The following TAF15 variants were observed in gnomAD, a reference collection of about 807,000 sequenced individuals.
TAF15 encodes the protein TATA-binding protein-associated factor 2N.
Under a neutral mutation model 102.5 loss-of-function variants are expected in TAF15, and 37 were observed. That is an observed-to-expected ratio of 0.36 (90% CI 0.28 to 0.47). The LOEUF (loss-of-function observed/expected upper bound fraction) is 0.47, where lower values mean the gene tolerates loss of function less well. TAF15 is among the 20% of genes least tolerant of loss of function. The pLI, the probability that TAF15 is intolerant of heterozygous loss-of-function variation, is 0.99. For synonymous variants in TAF15, 273 were observed against 259.2 expected, an observed-to-expected ratio of 1.05 and a Z score of -0.51; for missense variants, 652 against 760.7, an observed-to-expected ratio of 0.86 and a Z score of 1.68.
At chr17:35,816,145 G>A (rs2087192521) in intron 1 of TAF15, among the ~76,000 whole-genome samples, 1 of 152,056 alleles carries the variant, frequency 6.6e-6, no homozygotes, top group East Asian at 1.9e-4. Context: ...CTATTCTTAA[G>A]CATTAAACAA....
At position 35,833,581 on chromosome 17, in the gene TAF15, CTAGTT is replaced by C. The variant is rs143898560; in HGVS notation, c.606-321_606-317del. The C allele has an allele frequency of 0.026, 6,048 of 229,160 alleles. 163 individuals are homozygous for C. Among genetic ancestry groups the C allele is most frequent in the East Asian group, 0.14 (1,689 of 12,488 alleles). 14.2% of individuals were successfully genotyped at this position (229,160 alleles called of 1,614,324 possible). A position where few individuals can be genotyped will look rare whatever the true frequency, so the allele number is the denominator to read the frequency against. On this transcript the variant is annotated intron_variant, in intron 7 of 15. Coordinates refer to ENST00000605844, the MANE Select transcript of TAF15 (RefSeq NM_139215.3). Reference sequence around the variant, plus strand: ...TAACCGTTTGGAAAAAATACTTACTCTAGTTTAGTATTTTTCATGCTGTGCCTCCA... The same window carrying C: ...TAACCGTTTGGAAAAAATACTTACTCTAGTATTTTTCATGCTGTGCCTCCA...
chr17:35,811,021 A>C (rs1284446182), intron 1 of TAF15: 1 of 152,240 alleles, frequency 6.6e-6, no homozygotes, highest in East Asian at 1.9e-4. Context: ...ATGAAGTCTG[A>C]TAAAGCTCCT....
At chr17:35,825,066 C>T (rs926874130) in intron 7 of TAF15, among the ~76,000 whole-genome samples, 1 of 152,154 alleles carries the variant, frequency 6.6e-6, no homozygotes, top group Non-Finnish European at 1.5e-5. Flanking sequence ...AGAAACTTAT[C>T]AGTCATATAT....
chr17:35,828,989 T>C (rs940356713), intron 7 of TAF15, among the ~76,000 whole-genome samples: 1 of 152,160 alleles, frequency 6.6e-6, no homozygotes, highest in East Asian at 1.9e-4. Flanking sequence ...AAATGCTGAA[T>C]CCAGAAAGCC....
chr17:35,840,978 TCTTA>T (rs2087536547), intron 11 of TAF15, among the ~76,000 whole-genome samples: 1 of 152,234 alleles, frequency 6.6e-6, no homozygotes, highest in African/African-American at 2.4e-5. Context: ...GTCCATTCTT[TCTTA>T]CTTTGCTGCT....
intron 2 of TAF15, chr17:35,818,677 G>GGT (rs1297079217): frequency 1.3e-5 from 2 of 152,022 alleles, no homozygotes; most frequent in Non-Finnish European, 2.9e-5. Context: ...CAGACATAGT[G>GGT]GTGTGTACCT....
rs184795161 is a variant in TAF15 at position 35,825,389 on chromosome 17, C to T, written c.605+1191C>T. Among the ~76,000 whole-genome samples, 419 of 152,328 alleles carry T rather than the reference C, an allele frequency of 2.8e-3. 9 individuals are homozygous for T. The highest frequency in any genetic ancestry group is 0.026 in the Admixed American group (391 of 15,292). On this transcript the variant is annotated intron_variant, in intron 7 of 15. Transcript: ENST00000605844. ...CTGCCATCATGTGGATATAAATGGA[C>T]TATGTAAAGTGACATGGTGCTTACT...
chr17:35,844,649 AAGTGGG>A lies in TAF15; in HGVS notation c.1351_1356del (p.Ser451_Gly452del). On this transcript the variant is annotated inframe_deletion, in exon 15 of 16. Coordinates refer to ENST00000605844, the MANE Select transcript of TAF15 (RefSeq NM_139215.3). ...GTGGGGGCGGCTATGGTGGAGACAG[AAGTGGG>A]GGTGGCTATGGTGGGGACAGAGGCG... The A allele has an allele frequency of 6.3e-7, 1 of 1,592,684 alleles. No homozygotes were observed. The highest frequency in any genetic ancestry group is 8.5e-7 in the Non-Finnish European group (1 of 1,169,876).
At chr17:35,836,086 A>C (rs1418086292) in intron 9 of TAF15, 46 bp from the exon 10 acceptor site, 4 of 1,311,340 alleles carry the variant, frequency 3.1e-6, no homozygotes, top group Non-Finnish European at 3.3e-6. Flanking sequence ...ACAGAATGTC[A>C]TAACCAAGGA....
In TAF15 at chr17:35,844,753, G is replaced by T. The variant is rs533788464; in HGVS notation, c.1454G>T (p.Gly485Val). ...RGGGYGGDRG[G>V]YGGDRGGGYG... ...GGTGGCTATGGAGGAGATCGAGGTG[G>T]CTATGGAGGAGACCGAGGTGGAGGC... The change falls in exon 15 of 16, where the codon GGC becomes GTC. Residue 485 changes from glycine to valine, a missense_variant. Physicochemically the swap from Gly to Val is moderately radical, Grantham distance 109. Around this residue, in one of 3 missense-constraint regions of TAF15, gnomAD observed 368 missense variants for 367.5 expected, o/e 1.00. Transcript: ENST00000605844. 3 of 1,612,316 alleles carry T rather than the reference G, an allele frequency of 1.9e-6. No individual in the cohort carries two copies. Among genetic ancestry groups the T allele is most frequent in the East Asian group, 4.5e-5 (2 of 44,820 alleles).
chr17:35,813,501 C>G (rs747470311), intron 1 of TAF15, among the ~76,000 whole-genome samples: 16 of 151,936 alleles, frequency 1.1e-4, no homozygotes, highest in Admixed American at 4.6e-4. Context: ...CTGAATGTGG[C>G]GGTATGCATG....
chr17:35,841,690 G>A (rs965595640), intron 11 of TAF15, among the ~76,000 whole-genome samples: 16 of 147,574 alleles, frequency 1.1e-4, no homozygotes, highest in Admixed American at 8.8e-4. Context: ...GAGTCATCAC[G>A]CCCAGCTTTT....
chr17:35,817,651 T>C, intron 1 of TAF15, 65 bp from the exon 2 acceptor site: 1 of 1,450,330 alleles, frequency 6.9e-7, no homozygotes, highest in Middle Eastern at 1.8e-4. Context: ...CTGTATGAGC[T>C]AAAGTCAGCC....
At chr17:35,844,450 C>G (rs1428012934) in intron 14 of TAF15, 27 bp from the exon 15 acceptor site, 4 of 1,613,352 alleles carry the variant, frequency 2.5e-6, no homozygotes, top group Non-Finnish European at 2.5e-6. Context: ...TTCTGCTGGC[C>G]TCATTGTTTG....
rs2087589166 is a variant in TAF15, at chr17:35,844,600, G to GCTA, written c.1301_1302insCTA (p.Gly434_Gly435insTyr). ...GGCTATGGTGGAGACAGAAGCAGCG[G>GCTA]TGGTGGCTACAGCGGAGATAGAAGT... is the stretch of plus-strand genomic sequence containing the variant. On this transcript the variant is annotated inframe_insertion, in exon 15 of 16. Transcript: ENST00000605844. 6.3e-7 allele frequency: 1 copy of GCTA among 1,599,912 alleles called. No individual in the cohort carries two copies. Among genetic ancestry groups the GCTA allele is most frequent in the African/African-American group, 1.3e-5 (1 of 74,084 alleles).
intron 1 of TAF15, chr17:35,810,718 C>A (rs1207085004): frequency 2.0e-5 from 3 of 152,172 alleles, no homozygotes; most frequent in Admixed American, 6.5e-5. Context: ...ACAAAAAACC[C>A]AGGTACCCGG....
chr17:35,815,703 T>G (rs1236942074), intron 1 of TAF15, among the ~76,000 whole-genome samples: 2 of 152,226 alleles, frequency 1.3e-5, no homozygotes. Flanking sequence ...TTTTACTCAT[T>G]GTTTTCCCCC....
intron 7 of TAF15, among the ~76,000 whole-genome samples, chr17:35,829,140 A>T (rs1598534191): frequency 6.6e-6 from 1 of 152,056 alleles, no homozygotes; most frequent in Non-Finnish European, 1.5e-5. Flanking sequence ...TGTATTCTGG[A>T]TTTAGTAGTC....
At position 35,820,594 on chromosome 17, in the gene TAF15, G is replaced by A. The variant is rs4251738; in HGVS notation, c.290+157G>A. Among the ~76,000 whole-genome samples the A allele has an allele frequency of 0.011, 1,600 of 151,926 alleles. 16 individuals are homozygous for A. The highest frequency in any genetic ancestry group is 0.019 in the Non-Finnish European group (1,262 of 67,928). ...TTTACAACTGTATATTATGGAGAAT[G>A]TGGAAATAGCATTGTCATTTGATTC... On this transcript the variant is annotated intron_variant, in intron 5 of 15. Coordinates refer to ENST00000605844, the MANE Select transcript of TAF15 (RefSeq NM_139215.3).
Sources: allele counts gnomAD v4.1 joint callset (sites outside exome capture counted in the v4.1 genomes callset), GRCh38; gene constraint gnomAD v4.1.1; regional missense constraint gnomAD v4.1.1; transcripts MANE v1.5; gene names NCBI Gene and HGNC (gene_info 2026-07-23, HGNC 2026-07-21).